The following DIAPH2 variants were observed in gnomAD, a reference collection of about 807,000 sequenced individuals.
DIAPH2 encodes the protein protein diaphanous homolog 2.
In DIAPH2, 35 loss-of-function variants were observed where a neutral mutation model predicts 92.7. The ratio of observed to expected loss-of-function variants is 0.38; its 90% CI spans 0.29 to 0.50. The LOEUF is 0.50. Among genes scored for constraint, DIAPH2 ranks in the 20% least tolerant of loss-of-function variants. The probability of loss-of-function intolerance (pLI) is 0.94; values close to 1 mark genes in which losing one functional copy is unlikely to be tolerated. For missense variants in DIAPH2, 701 were observed against 819.5 expected, an observed-to-expected ratio of 0.86 and a Z score of 1.77; for synonymous variants, 301 against 280.4, an observed-to-expected ratio of 1.07 and a Z score of -0.73.
intron 26 of DIAPH2, among the ~76,000 whole-genome samples, chrX:97,471,646 C>T (rs956500059): frequency 1.3e-4 from 12 of 93,745 alleles, no homozygotes; most frequent in Admixed American, 2.7e-4. Flanking sequence ...GCCAAGATCG[C>T]GCCATTGCAC....
At chrX:96,941,099 A>C (rs993220341) in intron 12 of DIAPH2, among the ~76,000 whole-genome samples, 3 of 111,826 alleles carry the variant, frequency 2.7e-5, no homozygotes, top group African/African-American at 9.7e-5. Flanking sequence ...TATTCTTGGG[A>C]CCAGACCCAT....
intron 5 of DIAPH2, among the ~76,000 whole-genome samples, chrX:96,894,350 C>T (rs1211805965): frequency 1.8e-5 from 2 of 109,792 alleles, no homozygotes; most frequent in Non-Finnish European, 3.8e-5. Context: ...GTACGTTCAA[C>T]ATTTATTCAT....
chrX:97,062,687 A>G (rs1427434342), intron 17 of DIAPH2, among the ~76,000 whole-genome samples: 1 of 111,322 alleles, frequency 9.0e-6, no homozygotes, highest in African/African-American at 3.3e-5. Context: ...CTCAAATATT[A>G]CTTTTCTGCT....
chrX:96,935,269 ATTATT>A (rs1341075578), intron 10 of DIAPH2, among the ~76,000 whole-genome samples: 1 of 111,448 alleles, frequency 9.0e-6, no homozygotes, highest in Non-Finnish European at 1.9e-5. Flanking sequence ...TCAGTAAATG[ATTATT>A]TTATCAAGAA....
chrX:96,824,089 A>G (rs1047582450), intron 4 of DIAPH2, among the ~76,000 whole-genome samples: 1 of 110,729 alleles, frequency 9.0e-6, no homozygotes, highest in Admixed American at 9.7e-5. Context: ...TTTAGACAGG[A>G]CATCATATTA....
At chrX:97,181,278 G>T (rs1261872059) in intron 22 of DIAPH2, among the ~76,000 whole-genome samples, 1 of 110,661 alleles carries the variant, frequency 9.0e-6, no homozygotes, top group African/African-American at 3.3e-5. Flanking sequence ...TGTTGGCCAG[G>T]CTAGTTAGTC....
intron 22 of DIAPH2, among the ~76,000 whole-genome samples, chrX:97,241,045 AC>A (rs1322456279): frequency 9.0e-6 from 1 of 111,431 alleles, no homozygotes; most frequent in East Asian, 2.8e-4. Context: ...AAGTAACATG[AC>A]CTTGTGCCAA....
At chrX:96,688,952 G>A (rs1293361850) in intron 1 of DIAPH2, among the ~76,000 whole-genome samples, 9 of 107,455 alleles carry the variant, frequency 8.4e-5, no homozygotes, top group Admixed American at 4.0e-4. Flanking sequence ...ATCTCTTTAA[G>A]GAAAAAAAAA....
At chrX:96,732,608 G>A (rs1011820136) in intron 1 of DIAPH2, among the ~76,000 whole-genome samples, 2 of 111,847 alleles carry the variant, frequency 1.8e-5, no homozygotes, top group African/African-American at 6.5e-5. Context: ...TCTATCACAC[G>A]TAATTAGGAT....
At chrX:97,076,793 C>T (rs1244206112) in intron 19 of DIAPH2, among the ~76,000 whole-genome samples, 1 of 111,335 alleles carries the variant, frequency 9.0e-6, no homozygotes, top group Non-Finnish European at 1.9e-5. Flanking sequence ...TGACCTATGT[C>T]ATCTCTTCCT....
At chrX:96,710,833 T>TA (rs773447961) in intron 1 of DIAPH2, among the ~76,000 whole-genome samples, 135 of 111,558 alleles carry the variant, frequency 1.2e-3, no homozygotes, top group South Asian at 2.3e-3. Context: ...ACCCAATGTG[T>TA]AGTCTTTTAT....
At chrX:97,323,296 TAAAA>T (rs1401719932) in intron 23 of DIAPH2, among the ~76,000 whole-genome samples, 14 of 102,132 alleles carry the variant, frequency 1.4e-4, no homozygotes, top group Admixed American at 1.0e-3. Context: ...TGCCAGTTCT[TAAAA>T]AGTAAGCTTG....
intron 26 of DIAPH2, among the ~76,000 whole-genome samples, chrX:97,578,495 T>G (rs1357110425): frequency 9.9e-6 from 1 of 101,348 alleles, no homozygotes; most frequent in Non-Finnish European, 2.0e-5. Context: ...ACAAAGGACA[T>G]GAACTCATCA....
At chrX:97,055,181 C>A (rs191554853) in intron 17 of DIAPH2, among the ~76,000 whole-genome samples, 5 of 108,036 alleles carry the variant, frequency 4.6e-5, no homozygotes, top group African/African-American at 1.4e-4. Flanking sequence ...CCTCCCAAAG[C>A]GCTGGGATTA....
At chrX:96,914,212 ATGCTAGTTGTACTGTTTC>A (rs1308566339) in intron 7 of DIAPH2, among the ~76,000 whole-genome samples, 1 of 110,933 alleles carries the variant, frequency 9.0e-6, no homozygotes, top group Non-Finnish European at 1.9e-5. Context: ...ACTCCTGAAT[ATGCTAGTTGTACTGTTTC>A]TGGAAGTTTC....
chrX:97,418,268 A>G (rs980318252), intron 25 of DIAPH2, among the ~76,000 whole-genome samples: 1 of 112,345 alleles, frequency 8.9e-6, no homozygotes, highest in African/African-American at 3.2e-5. Context: ...ATAATGAAAG[A>G]AAGAAGAACA....
intron 26 of DIAPH2, among the ~76,000 whole-genome samples, chrX:97,581,103 A>G (rs1264968191): frequency 9.7e-6 from 1 of 103,124 alleles, no homozygotes; most frequent in Non-Finnish European, 2.0e-5. Flanking sequence ...AATTTTGTTG[A>G]TCCTTTCAAA....
At chrX:96,846,065 A>C (rs2064969209) in intron 4 of DIAPH2, among the ~76,000 whole-genome samples, 1 of 107,817 alleles carries the variant, frequency 9.3e-6, no homozygotes, top group Non-Finnish European at 1.9e-5. Context: ...CTCCCAACCA[A>C]AGTGTTGGGA....
chrX:97,246,463 G>A lies in DIAPH2; in HGVS notation c.2720-1252G>A, dbSNP rs761525778. ...GATCTAAACAAATGGAACTAAATTG[G>A]ACAGAGCTATTTAAACTGACAGATT... On this transcript the variant is annotated intron_variant, in intron 22 of 26. Transcript: ENST00000324765. 3.6e-5 allele frequency among the ~76,000 whole-genome samples: 4 copies of A among 111,881 alleles called. No individual in the cohort carries two copies. The East Asian group carries it at 1.1e-3, about 31-fold the overall frequency.
Sources: allele counts gnomAD v4.1 joint callset (sites outside exome capture counted in the v4.1 genomes callset), GRCh38; gene constraint gnomAD v4.1.1; transcripts MANE v1.5; gene names NCBI Gene and HGNC (gene_info 2026-07-23, HGNC 2026-07-21).